Variants in TSGA10IP observed in about 807,000 individuals in gnomAD.
TSGA10IP encodes testis-specific protein 10-interacting protein.
In TSGA10IP, 64 loss-of-function variants were observed where a neutral mutation model predicts 63.2. The observed-to-expected ratio is 1.01, with a 90% CI of 0.83 to 1.25. The LOEUF (loss-of-function observed/expected upper bound fraction) is 1.25. TSGA10IP is among the 50% of genes most tolerant of loss of function. The pLI is 0.00. For missense variants in TSGA10IP, 681 were observed against 710.1 expected, an observed-to-expected ratio of 0.96 and a Z score of 0.47; for synonymous variants, 316 against 298.3, an observed-to-expected ratio of 1.06 and a Z score of -0.61.
chr11:65,953,030 C>CT (rs543769953), intron 4 of TSGA10IP, among the ~76,000 whole-genome samples: 5,877 of 133,596 alleles, frequency 0.044, 426 homozygotes, highest in African/African-American at 0.14. Flanking sequence ...TTCTTTCTTT[C>CT]TTTTTTTTTT....
chr11:65,950,158 A>T (rs1854920625), intron 4 of TSGA10IP, among the ~76,000 whole-genome samples: 1 of 147,052 alleles, frequency 6.8e-6, no homozygotes, highest in Non-Finnish European at 1.5e-5. Flanking sequence ...GTCTTACTTG[A>T]TTTTTTTTTT....
At chr11:65,945,743 G>A (rs1186595943) in exon 1 of TSGA10IP, 1 of 1,613,962 alleles carries the variant, frequency 6.2e-7, no homozygotes, top group South Asian at 1.1e-5. Context: ...GTGCGACCAG[G>A]GCAGGACGTG....
At chr11:65,957,353 G>T (rs1384439704) in intron 5 of TSGA10IP, among the ~76,000 whole-genome samples, 1 of 152,168 alleles carries the variant, frequency 6.6e-6, no homozygotes, top group African/African-American at 2.4e-5. Flanking sequence ...GTTTCACCAT[G>T]TTGGCCAGGA....
intron 4 of TSGA10IP, among the ~76,000 whole-genome samples, chr11:65,951,744 G>C (rs114011652): frequency 1.3e-5 from 2 of 151,342 alleles, no homozygotes; most frequent in African/African-American, 4.9e-5. Context: ...TAGGTGTCTT[G>C]CTATGTGGCC....
exon 4 of TSGA10IP, chr11:65,948,086 T>C (rs1361751802): frequency 6.3e-7 from 1 of 1,595,302 alleles, no homozygotes; most frequent in East Asian, 2.3e-5. Context: ...CGGGATACGA[T>C]GAAACTTTCG....
At chr11:65,953,851 G>A in intron 5 of TSGA10IP, 114 bp downstream of exon 5, 1 of 873,770 alleles carries the variant, frequency 1.1e-6, no homozygotes, top group Non-Finnish European at 1.6e-6. Context: ...GGCTAACCAG[G>A]CCACTTCACC....
rs1383241390 is a variant in TSGA10IP, at chr11:65,945,823, G to T, written c.147+1G>T. ...GTCGACCGTCTCTCAGGACAAGCAG[G>T]TGAGGGAGGCCCAGTGAGGACACTT... is the stretch of plus-strand genomic sequence containing the variant. On this transcript the variant is annotated splice_donor_variant, in intron 1 of 7. Transcript: ENST00000532620. LOFTEE classifies it high-confidence loss of function. The T allele has an allele frequency of 1.2e-6, 2 of 1,613,642 alleles. No homozygotes were observed. Among genetic ancestry groups the T allele is most frequent in the East Asian group, 2.2e-5 (1 of 44,872 alleles).
intron 5 of TSGA10IP, among the ~76,000 whole-genome samples, chr11:65,958,448 A>G (rs1855061349): frequency 6.6e-6 from 1 of 152,190 alleles, no homozygotes; most frequent in Non-Finnish European, 1.5e-5. Context: ...GCCCAGAGCC[A>G]AGAGCCCAGA....
intron 5 of TSGA10IP, among the ~76,000 whole-genome samples, 166 bp downstream of exon 5, chr11:65,953,903 C>T (rs1209518286): frequency 6.6e-6 from 1 of 152,212 alleles, no homozygotes; most frequent in African/African-American, 2.4e-5. Flanking sequence ...GAGAAGGGGT[C>T]TGTCGAAGGC....
In TSGA10IP at chr11:65,958,988, G is replaced by A; in HGVS notation, c.1422+6G>A. 1.2e-6 allele frequency: 2 copies of A among 1,612,712 alleles called. No individual in the cohort carries two copies. Among genetic ancestry groups the A allele is most frequent in the East Asian group, 4.5e-5 (2 of 44,878 alleles). ...TGTTCCAGCAGGCTATGCAGGTGAG[G>A]CTGGCACCTGGGCAAGCACATAGCT... is the stretch of plus-strand genomic sequence containing the variant. On this transcript the variant is annotated splice_donor_region_variant and intron_variant, in intron 6 of 7. Coordinates refer to ENST00000532620, the Ensembl canonical transcript of TSGA10IP.
intron 4 of TSGA10IP, among the ~76,000 whole-genome samples, chr11:65,948,798 AC>A (rs1854892209): frequency 6.6e-6 from 1 of 151,216 alleles, no homozygotes; most frequent in Non-Finnish European, 1.5e-5. Flanking sequence ...ACATGGCGAA[AC>A]CCTGTCTCTA....
chr11:65,947,337 C>A (rs533013932), exon 3 of TSGA10IP: 1 of 1,611,884 alleles, frequency 6.2e-7, no homozygotes, highest in African/African-American at 1.3e-5. Context: ...AACCTGAAGG[C>A]GAGACAGCAG....
intron 4 of TSGA10IP, among the ~76,000 whole-genome samples, chr11:65,949,207 A>G (rs1481327612): frequency 6.6e-6 from 1 of 152,104 alleles, no homozygotes; most frequent in Non-Finnish European, 1.5e-5. Flanking sequence ...CTGTTTCTAA[A>G]GCAAAGGAGA....
chr11:65,959,200 G>C, exon 7 of TSGA10IP: 2 of 1,604,922 alleles, frequency 1.2e-6, no homozygotes, highest in South Asian at 1.1e-5. Flanking sequence ...GCCAATGCCC[G>C]GCTCACCGTC....
chr11:65,948,660 G>A (rs1489811860), intron 4 of TSGA10IP, among the ~76,000 whole-genome samples: 2 of 151,850 alleles, frequency 1.3e-5, no homozygotes, highest in African/African-American at 4.8e-5. Flanking sequence ...GGGCAACAGA[G>A]TGAGACACTG....
Position 65,953,539 on chromosome 11 carries a change from C to A in TSGA10IP, c.1152-28C>A, listed in dbSNP as rs369186239. 4.6e-6 allele frequency: 7 copies of A among 1,538,218 alleles called. No individual in the cohort carries two copies. In the South Asian group the frequency reaches 8.6e-5, roughly 19 times the overall value. On this transcript the variant is annotated intron_variant, in intron 4 of 7. Coordinates refer to ENST00000532620, the Ensembl canonical transcript of TSGA10IP. ...TGAGGCTCCTGCTGCCCGTGAACCT[C>A]TCATTCCCCTTCCCTTTCTCACCCA...
rs1458893862 is a variant in TSGA10IP, at chr11:65,958,887, C to T, written c.1327C>T (p.Gln443Ter). 5 of 1,612,456 alleles carry T rather than the reference C, an allele frequency of 3.1e-6. No homozygotes were observed. The East Asian group carries it at 1.1e-4, about 36-fold the overall frequency. ...AAAGGCCTGTCTCCCCTGCAGGCGC[C>T]AGGAGCGACAGCGCTTTGCTGAGTA... The change falls in exon 6 of 8, where the codon CAG (glutamine) becomes TAG (stop). Residue 443 changes from glutamine to a stop codon, truncating the protein, a stop_gained. Coordinates refer to ENST00000532620, the Ensembl canonical transcript of TSGA10IP. LOFTEE classifies it high-confidence loss of function.
At chr11:65,959,151 C>T (rs1247865705) in intron 6 of TSGA10IP, 39 bp from the exon 7 acceptor site, 1 of 1,593,990 alleles carries the variant, frequency 6.3e-7, no homozygotes, top group South Asian at 1.1e-5. Context: ...CCCTCGGCAG[C>T]CCTGGTGCAG....
Position 65,948,118 on chromosome 11 carries a change from G to T in TSGA10IP, c.1121G>T (p.Arg374Leu). Residue 374 changes from arginine (R) to leucine (L), a missense_variant, in exon 4 of 8, where the codon CGC (arginine) becomes CTC (leucine). Arg to Leu is a moderately radical substitution (Grantham distance 102, BLOSUM62 -2). Coordinates refer to ENST00000532620, the Ensembl canonical transcript of TSGA10IP. ...TTCGTGTCTGCCAACCTCCCTAATC[G>T]CACCTTCCACAAACGACAGGAAGCC... is the stretch of plus-strand genomic sequence containing the variant. 2 of 1,602,064 alleles carry T rather than the reference G, an allele frequency of 1.2e-6. No homozygotes were observed. The highest frequency in any genetic ancestry group is 1.7e-6 in the Non-Finnish European group (2 of 1,174,518).
Sources: allele counts gnomAD v4.1 joint callset (sites outside exome capture counted in the v4.1 genomes callset), GRCh38; gene constraint gnomAD v4.1.1; transcripts MANE v1.5; gene names NCBI Gene and HGNC (gene_info 2026-07-23, HGNC 2026-07-21).